Variants in SP3 observed in about 807,000 individuals in gnomAD.
SP3 encodes the protein transcription factor Sp3.
Under a neutral mutation model 70.3 loss-of-function variants are expected in SP3, and 10 were observed. The ratio of observed to expected loss-of-function variants is 0.14; its 90% CI spans 0.09 to 0.24. SP3 has a LOEUF of 0.24. Among genes scored for constraint, SP3 ranks in the 10% least tolerant of loss-of-function variants. The pLI is 1.00. For synonymous variants in SP3, 402 were observed against 333.5 expected, an observed-to-expected ratio of 1.21 and a Z score of -2.24; for missense variants, 825 against 914.6, an observed-to-expected ratio of 0.90 and a Z score of 1.26.
At chr2:173,932,611 T>A (rs1305328776) in intron 4 of SP3, among the ~76,000 whole-genome samples, 1 of 152,226 alleles carries the variant, frequency 6.6e-6, no homozygotes, top group Non-Finnish European at 1.5e-5. Context: ...TAAGTTCACC[T>A]TCTATGGGTG....
At position 173,921,620 on chromosome 2, in the gene SP3, G is replaced by A. The variant is rs72911150; in HGVS notation, c.1640-2835C>T. Among the ~76,000 whole-genome samples, 1,328 of 152,342 alleles carry A rather than the reference G, an allele frequency of 8.7e-3. 7 individuals carry two copies. The highest frequency in any genetic ancestry group is 0.017 in the Admixed American group (258 of 15,304). ...GGTCCCAGCTACTCAGGAGACTGAA[G>A]TGGGAGAATCACTTGAGCCCAGGAG... On this transcript the variant is annotated intron_variant, in intron 4 of 6. Coordinates refer to ENST00000310015, the MANE Select transcript of SP3 (RefSeq NM_003111.5).
At chr2:173,964,735 G>A (rs972659408) in intron 1 of SP3, 182 bp from the exon 2 acceptor site, 2 of 345,308 alleles carry the variant, frequency 5.8e-6, no homozygotes, top group Non-Finnish European at 9.8e-6. Flanking sequence ...TGCTGCCCCC[G>A]CCCGCCGCTG....
At chr2:173,952,147 A>T (rs976751011) in intron 4 of SP3, among the ~76,000 whole-genome samples, 9 of 149,968 alleles carry the variant, frequency 6.0e-5, no homozygotes, top group Admixed American at 4.0e-4. Flanking sequence ...AAGTACATTA[A>T]TCTCAAGACC....
chr2:173,910,303 T>G, intron 6 of SP3, 46 bp from the exon 7 acceptor site: 1 of 1,540,182 alleles, frequency 6.5e-7, no homozygotes. Flanking sequence ...AATTCAACTT[T>G]AATAGCTCAA....
Position 173,952,811 on chromosome 2 carries a change from A to T in SP3, c.1639+2062T>A, listed in dbSNP as rs527421274. ...AAAGAAACCAAACACCAAAGGCCAC[A>T]TATTGTACAATTACACTGATACGAA... On this transcript the variant is annotated intron_variant, in intron 4 of 6. Transcript: ENST00000310015. Among the ~76,000 whole-genome samples, 7 of 152,344 alleles carry T rather than the reference A, an allele frequency of 4.6e-5. No homozygotes were observed. In the East Asian group the frequency reaches 7.7e-4, roughly 17 times the overall value.
At chr2:173,964,713 C>T in intron 1 of SP3, 160 bp from the exon 2 acceptor site, 1 of 352,798 alleles carries the variant, frequency 2.8e-6, no homozygotes, top group Non-Finnish European at 5.1e-6. Context: ...CGGCTCCCTC[C>T]TCCCCTCCTG....
intron 4 of SP3, among the ~76,000 whole-genome samples, chr2:173,920,121 G>C (rs929078213): frequency 1.2e-4 from 18 of 151,974 alleles, no homozygotes; most frequent in African/African-American, 4.1e-4. Flanking sequence ...TTTATATACA[G>C]GGAATGGGAT....
chr2:173,916,021 T>C (rs1277849634), intron 5 of SP3: 1 of 152,116 alleles, frequency 6.6e-6, no homozygotes, highest in Non-Finnish European at 1.5e-5. Context: ...AATTACTATC[T>C]GTATCAACTT....
chr2:173,957,721 C>T (rs1690941549), intron 3 of SP3, among the ~76,000 whole-genome samples: 1 of 152,052 alleles, frequency 6.6e-6, no homozygotes, highest in Admixed American at 6.5e-5. Flanking sequence ...GCAATCACAT[C>T]TGTGTCTTAT....
At chr2:173,937,716 A>G (rs1228682311) in intron 4 of SP3, among the ~76,000 whole-genome samples, 2 of 152,242 alleles carry the variant, frequency 1.3e-5, no homozygotes, top group Non-Finnish European at 2.9e-5. Context: ...TTTTTACTCT[A>G]GAAAATCTCC....
Position 173,964,450 on chromosome 2 carries a change from C to T in SP3, c.111G>A (p.Gln37=). The T allele has an allele frequency of 1.4e-6, 1 of 733,598 alleles. No homozygotes were observed. The highest frequency in any genetic ancestry group is 1.4e-5 in the South Asian group (1 of 69,252). 45.4% of individuals were successfully genotyped at this position (733,598 alleles called of 1,614,324 possible). A position where few individuals can be genotyped will look rare whatever the true frequency, so the allele number is the denominator to read the frequency against. ...GGGHGEYLQQ[Q]QQHGNGAVAA... ...CCACCGCACCGTTTCCGTGCTGTTG[C>T]TGCTGCTGCAGATACTCGCCGTGGC... is the stretch of plus-strand genomic sequence containing the variant. The change falls in exon 2 of 7, where the codon CAG becomes CAA. Residue 37 remains glutamine (Q), a synonymous_variant. Coordinates refer to ENST00000310015, the MANE Select transcript of SP3 (RefSeq NM_003111.5).
chr2:173,907,205 GAATT>G lies in SP3; in HGVS notation c.*2732_*2735del, dbSNP rs1441216860. ...TCGCGTCCACTAAATGTTACAACAG[GAATT>G]ATTTGTACATAAATATATTCAATAT... is the stretch of plus-strand genomic sequence containing the variant. On this transcript the variant is annotated 3_prime_UTR_variant, in exon 7 of 7. Transcript: ENST00000310015. The G allele has an allele frequency of 2.0e-5, 3 of 152,084 alleles. No individual in the cohort carries two copies. Among genetic ancestry groups the G allele is most frequent in the African/African-American group, 7.2e-5 (3 of 41,494 alleles). The allele number at this position is 152,084 out of a possible 1,614,324, so 9.4% of individuals were successfully genotyped here.
intron 4 of SP3, among the ~76,000 whole-genome samples, chr2:173,950,141 T>C (rs2105492494): frequency 6.6e-6 from 1 of 152,202 alleles, no homozygotes. Context: ...GCCTGATGTT[T>C]CCAGGAAGAT....
rs760252187 is a variant in SP3, at chr2:173,963,816, C to A, written c.224G>T (p.Gly75Val). The A allele has an allele frequency of 1.4e-6, 2 of 1,473,116 alleles. No individual in the cohort carries two copies. Among genetic ancestry groups the A allele is most frequent in the South Asian group, 1.3e-5 (1 of 77,082 alleles). The allele number at this position is 1,473,116 out of a possible 1,614,324, so 91.3% of individuals were successfully genotyped here. A position where few individuals can be genotyped will look rare whatever the true frequency, so the allele number is the denominator to read the frequency against. Residue 75 changes from glycine (G) to valine (V), a missense_variant, in exon 3 of 7, where the codon GGC (glycine) becomes GTC (valine). Around this residue, in one of 4 missense-constraint regions of SP3, gnomAD observed 678 missense variants for 651.6 expected, o/e 1.04. Coordinates refer to ENST00000310015, the MANE Select transcript of SP3 (RefSeq NM_003111.5). The stretch of plus-strand genomic sequence containing the variant: ...GGCGGCCGCCTCCTCCTCGTCGTCG[C>A]CCGGCGATGGCGGCCCTATCTTGCT... ...TCSKIGPPSP[G>V]DDEEEAAAAA...
At chr2:173,935,015 A>G (rs888401420) in intron 4 of SP3, among the ~76,000 whole-genome samples, 1 of 152,218 alleles carries the variant, frequency 6.6e-6, no homozygotes, top group African/African-American at 2.4e-5. Context: ...TGCTTAGGGA[A>G]TAAGTGTACT....
chr2:173,955,277 A>G lies in SP3; in HGVS notation c.1235T>C (p.Ile412Thr), dbSNP rs753903128. The G allele has an allele frequency of 4.3e-6, 7 of 1,614,102 alleles. No homozygotes were observed. In the South Asian group the frequency reaches 6.6e-5, roughly 15 times the overall value. Residue 412 changes from isoleucine to threonine, a missense_variant, in exon 4 of 7, where the codon ATT becomes ACT. Ile to Thr is a moderately conservative substitution (Grantham distance 89). Transcript: ENST00000310015. ...ESQQPTSQAQIVQGITPQTIH... is the reference protein window; with the variant it reads ...ESQQPTSQAQTVQGITPQTIH... ...TGTCTGTGGTGTAATACCTTGCACA[A>G]TTTGGGCTTGACTGGTTGGCTGCTG...
chr2:173,961,731 TTATC>T (rs1459278408), intron 3 of SP3, among the ~76,000 whole-genome samples: 2 of 152,174 alleles, frequency 1.3e-5, no homozygotes, highest in Non-Finnish European at 2.9e-5. Context: ...TAATAAAAGA[TTATC>T]TAAGCCCATG....
chr2:173,952,862 A>C (rs1285467990), intron 4 of SP3, among the ~76,000 whole-genome samples: 1 of 152,252 alleles, frequency 6.6e-6, no homozygotes, highest in Non-Finnish European at 1.5e-5. Flanking sequence ...GAAGGGACAG[A>C]AAGTAGCATA....
At chr2:173,938,301 A>G (rs2105479400) in intron 4 of SP3, among the ~76,000 whole-genome samples, 1 of 152,054 alleles carries the variant, frequency 6.6e-6, no homozygotes, top group South Asian at 2.1e-4. Context: ...TGCTAAATAT[A>G]CAAAAATTAG....
Sources: gnomAD v4.1 joint callset for allele counts (sites outside exome capture counted in the v4.1 genomes callset) on GRCh38, gnomAD v4.1.1 for gene constraint, gnomAD v4.1.1 regional missense constraint, MANE v1.5 for transcripts, NCBI Gene and HGNC (gene_info 2026-07-23, HGNC 2026-07-21) for gene names.